CERS6: variants seen among roughly 807,000 people sequenced by gnomAD.
CERS6 encodes the protein LAG1 homolog, ceramide synthase 6.
A neutral mutation model predicts 56.8 loss-of-function variants in CERS6; 26 were observed. The observed-to-expected ratio is 0.46, with a 90% confidence interval of 0.34 to 0.63. The LOEUF (loss-of-function observed/expected upper bound fraction) is 0.63. Among genes scored for constraint, CERS6 ranks in the 30% least tolerant of loss-of-function variants. The pLI is 0.01. For missense variants in CERS6, 415 were observed against 467.5 expected, an observed-to-expected ratio of 0.89 and a Z score of 1.04; for synonymous variants, 164 against 173.3, an observed-to-expected ratio of 0.95 and a Z score of 0.42.
chr2:168,717,903 A>C lies in CERS6; in HGVS notation c.770A>C (p.Gln257Pro), dbSNP rs376524029. 3.1e-6 allele frequency: 5 copies of C among 1,613,628 alleles called. No homozygotes were observed. The African/African-American group carries it at 6.7e-5, about 22-fold the overall frequency. The change falls in exon 8 of 10, where the codon CAG becomes CCG. Residue 257 changes from glutamine (Q) to proline (P), a missense_variant. Physicochemically the swap from Gln to Pro is moderately conservative, Grantham distance 76. Coordinates refer to ENST00000305747, the MANE Select transcript of CERS6 (RefSeq NM_203463.3). ...AAAATGGCAAATTATGCCAAGTTTC[A>C]GAAAATGTGTGATCTCCTGTTTGTT... ...AAKMANYAKF[Q>P]KMCDLLFVMF... is the part of the protein sequence containing the mutation.
intron 8 of CERS6, among the ~76,000 whole-genome samples, chr2:168,733,158 C>T (rs1446374264): frequency 6.6e-6 from 1 of 152,114 alleles, no homozygotes; most frequent in Non-Finnish European, 1.5e-5. Context: ...AAATAAGGGC[C>T]TTAATGGTTT....
chr2:168,578,439 C>T (rs72877806), intron 3 of CERS6, among the ~76,000 whole-genome samples: 1 of 152,118 alleles, frequency 6.6e-6, no homozygotes, highest in Non-Finnish European at 1.5e-5. Flanking sequence ...TCCCTTCTCT[C>T]CTAAGAAATT....
intron 1 of CERS6, among the ~76,000 whole-genome samples, chr2:168,543,159 A>G (rs1055941455): frequency 6.6e-6 from 1 of 152,214 alleles, no homozygotes; most frequent in African/African-American, 2.4e-5. Context: ...TTTAACTGAG[A>G]CTAGTATTTT....
At chr2:168,600,692 G>A (rs752524300) in intron 3 of CERS6, among the ~76,000 whole-genome samples, 1 of 152,110 alleles carries the variant, frequency 6.6e-6, no homozygotes, top group Non-Finnish European at 1.5e-5. Flanking sequence ...GTGGTTATTT[G>A]TATATTTATT....
intron 6 of CERS6, among the ~76,000 whole-genome samples, chr2:168,712,231 C>G (rs545427476): frequency 6.6e-6 from 1 of 152,298 alleles, no homozygotes; most frequent in South Asian, 2.1e-4. Context: ...ACTGAGAAGT[C>G]TACCTAATCT....
chr2:168,533,181 T>C (rs1484598998), intron 1 of CERS6, among the ~76,000 whole-genome samples: 1 of 152,260 alleles, frequency 6.6e-6, no homozygotes, highest in Non-Finnish European at 1.5e-5. Flanking sequence ...GCATTGATTT[T>C]CGCATGAATG....
rs560528431 is a variant in CERS6, at chr2:168,490,807, C to T, written c.170+34189C>T. Among the ~76,000 whole-genome samples the T allele has an allele frequency of 4.6e-5, 7 of 152,200 alleles. No individual in the cohort carries two copies. The East Asian group carries it at 7.7e-4, about 17-fold the overall frequency. The stretch of plus-strand genomic sequence containing the variant: ...TCTTTTGTTTCTGCTTTACAAAGTA[C>T]GTCTATACCTCAAAGGAGAGAATAT... On this transcript the variant is annotated intron_variant, in intron 1 of 9. Transcript: ENST00000305747.
chr2:168,646,915 G>A (rs1461064237), intron 4 of CERS6, among the ~76,000 whole-genome samples: 1 of 152,176 alleles, frequency 6.6e-6, no homozygotes, highest in East Asian at 1.9e-4. Flanking sequence ...CCAGTGCCAG[G>A]ATATTTTGGT....
chr2:168,610,004 A>G (rs1237234597), intron 3 of CERS6, among the ~76,000 whole-genome samples: 1 of 106,040 alleles, frequency 9.4e-6, no homozygotes, highest in African/African-American at 3.5e-5. Context: ...TTGAGATGGC[A>G]TCTCGCTATG....
Position 168,698,965 on chromosome 2 carries a change from T to C in CERS6, c.609+3914T>C, listed in dbSNP as rs188410315. On this transcript the variant is annotated intron_variant, in intron 6 of 9. Coordinates refer to ENST00000305747, the MANE Select transcript of CERS6 (RefSeq NM_203463.3). The stretch of plus-strand genomic sequence containing the variant: ...ATTTGTACATTCCTGATGCAGCTGG[T>C]TTATTCTTGTTTCTTGCACAAAAAT... Among the ~76,000 whole-genome samples, 171 of 152,282 alleles carry C rather than the reference T, an allele frequency of 1.1e-3. 2 individuals carry two copies. Among genetic ancestry groups the C allele is most frequent in the East Asian group, 5.8e-4 (3 of 5,174 alleles).
chr2:168,590,359 T>C (rs1232203374), intron 3 of CERS6, among the ~76,000 whole-genome samples: 2 of 152,108 alleles, frequency 1.3e-5, no homozygotes, highest in African/African-American at 4.8e-5. Context: ...CAGAGAAAAA[T>C]TACTACCAAA....
intron 1 of CERS6, among the ~76,000 whole-genome samples, chr2:168,519,678 C>A (rs1180329918): frequency 6.6e-6 from 1 of 152,182 alleles, no homozygotes; most frequent in African/African-American, 2.4e-5. Context: ...GGATAATGCC[C>A]TCCAGCTACA....
chr2:168,741,792 T>G (rs946231768), intron 8 of CERS6, among the ~76,000 whole-genome samples: 1 of 152,196 alleles, frequency 6.6e-6, no homozygotes, highest in Non-Finnish European at 1.5e-5. Flanking sequence ...ACCATAAATG[T>G]TACTGTCCAC....
chr2:168,672,563 A>G (rs1292862916), intron 4 of CERS6, among the ~76,000 whole-genome samples: 1 of 152,254 alleles, frequency 6.6e-6, no homozygotes, highest in Non-Finnish European at 1.5e-5. Context: ...GGTCAGTGGT[A>G]GACTGTGGCT....
intron 1 of CERS6, 40 bp from the exon 2 acceptor site, chr2:168,547,556 A>T: frequency 7.7e-7 from 1 of 1,293,802 alleles, no homozygotes; most frequent in Non-Finnish European, 1.1e-6. Flanking sequence ...TAGAAAGAAT[A>T]AATTCTGACC....
chr2:168,468,715 A>G (rs578166021), intron 1 of CERS6, among the ~76,000 whole-genome samples: 1 of 152,314 alleles, frequency 6.6e-6, no homozygotes, highest in South Asian at 2.1e-4. Context: ...TTTCCTGCAT[A>G]GATCCCCATT....
chr2:168,723,979 A>C (rs920533518), intron 8 of CERS6, among the ~76,000 whole-genome samples: 23 of 152,268 alleles, frequency 1.5e-4, no homozygotes, highest in African/African-American at 5.1e-4. Flanking sequence ...GTCTCTCAGG[A>C]TTTATCTGGT....
rs1013587407 is a variant in CERS6, at chr2:168,758,642, A to G, written c.846-6950A>G. On this transcript the variant is annotated intron_variant, in intron 8 of 9. Coordinates refer to ENST00000305747, the MANE Select transcript of CERS6 (RefSeq NM_203463.3). ...TTATTACCATTATGTGCTGCTGCCTATATGTCACTGGAGTATTTAAGATGT... is the reference window on the plus strand; with the variant it reads ...TTATTACCATTATGTGCTGCTGCCTGTATGTCACTGGAGTATTTAAGATGT... Among the ~76,000 whole-genome samples, 8 of 152,192 alleles carry G rather than the reference A, an allele frequency of 5.3e-5. No individual in the cohort carries two copies. In the South Asian group the frequency reaches 6.2e-4, roughly 12 times the overall value.
chr2:168,516,790 A>G (rs978930008), intron 1 of CERS6, among the ~76,000 whole-genome samples: 2 of 152,142 alleles, frequency 1.3e-5, no homozygotes, highest in South Asian at 2.1e-4. Context: ...ACCTTTTCTT[A>G]TGCTTTCTAC....
Sources: allele counts gnomAD v4.1 joint callset (sites outside exome capture counted in the v4.1 genomes callset), GRCh38; gene constraint gnomAD v4.1.1; transcripts MANE v1.5; gene names NCBI Gene and HGNC (gene_info 2026-07-23, HGNC 2026-07-21).